TBC1D1: variants seen among roughly 807,000 people sequenced by gnomAD.
TBC1D1 encodes TBC1 (tre-2/USP6, BUB2, cdc16) domain family, member 1.
A neutral mutation model predicts 125.6 loss-of-function variants in TBC1D1; 89 were observed. The observed-to-expected ratio is 0.71, with a 90% CI of 0.60 to 0.85. The LOEUF (loss-of-function observed/expected upper bound fraction) is 0.85. Ranked by LOEUF, TBC1D1 falls within the 40% of genes least tolerant of loss-of-function variation. TBC1D1 has a pLI of 0.00. For missense variants in TBC1D1, 1,377 were observed against 1,469.2 expected (o/e 0.94, Z 1.03); for synonymous variants, 565 against 564.1 (o/e 1.00, Z -0.02).
At chr4:38,129,307 T>C (rs1765187849) in intron 18 of TBC1D1, among the ~76,000 whole-genome samples, 1 of 152,122 alleles carries the variant, frequency 6.6e-6, no homozygotes, top group African/African-American at 2.4e-5. Context: ...GGGGGAGCCG[T>C]CACTTCTTGG....
At chr4:37,996,188 C>T (rs1349640560) in intron 2 of TBC1D1, 2 of 339,350 alleles carry the variant, frequency 5.9e-6, no homozygotes, top group Non-Finnish European at 1.2e-5. Context: ...CTCAGGCACC[C>T]ACCACAAGGC....
At chr4:38,018,553 G>A in intron 4 of TBC1D1, 110 bp downstream of exon 4, 1 of 650,050 alleles carries the variant, frequency 1.5e-6, no homozygotes. Flanking sequence ...TGTTTTCTAA[G>A]TACTGTACTT....
chr4:38,044,312 A>G (rs758055573), intron 8 of TBC1D1, 50 bp from the exon 9 acceptor site: 4 of 1,557,092 alleles, frequency 2.6e-6, no homozygotes, highest in Non-Finnish European at 3.5e-6. Flanking sequence ...CATTCCTTTA[A>G]GAAGCAGAGA....
intron 2 of TBC1D1, among the ~76,000 whole-genome samples, chr4:37,975,529 G>T (rs6829590): frequency 5.9e-5 from 9 of 152,076 alleles, no homozygotes; most frequent in African/African-American, 2.2e-4. Flanking sequence ...TCCCATTCCC[G>T]GTCTGCTAAG....
chr4:38,005,783 AG>A (rs1740032312), intron 2 of TBC1D1, among the ~76,000 whole-genome samples: 1 of 152,214 alleles, frequency 6.6e-6, no homozygotes, highest in Non-Finnish European at 1.5e-5. Flanking sequence ...AGAGCCAGCA[AG>A]GCCATGTGAC....
intron 2 of TBC1D1, among the ~76,000 whole-genome samples, chr4:37,918,370 G>C (rs1720153953): frequency 6.6e-6 from 1 of 151,836 alleles, no homozygotes; most frequent in South Asian, 2.1e-4. Flanking sequence ...TACGATTTTA[G>C]ATTTTTCTTT....
Position 38,044,491 on chromosome 4 carries a change from G to GTAAGTAGCATAATTTCTCCTGATT in TBC1D1, c.1542+7_1542+30dup. On this transcript the variant is annotated splice_donor_variant, in intron 9 of 19. Coordinates refer to ENST00000261439, the MANE Select transcript of TBC1D1 (RefSeq NM_015173.4). LOFTEE classifies it high-confidence loss of function. ...GTCTTTAGAAAGTATTTTGTCCCGG[G>GTAAGTAGCATAATTTCTCCTGATT]TAAGTAGCATAATTTCTCCTGATTT... 1 of 1,604,186 alleles carries GTAAGTAGCATAATTTCTCCTGATT rather than the reference G, an allele frequency of 6.2e-7. No homozygotes were observed. Among genetic ancestry groups the GTAAGTAGCATAATTTCTCCTGATT allele is most frequent in the Non-Finnish European group, 8.5e-7 (1 of 1,177,506 alleles).
At chr4:38,136,797 A>G (rs564011605) in intron 19 of TBC1D1, among the ~76,000 whole-genome samples, 2 of 152,252 alleles carry the variant, frequency 1.3e-5, no homozygotes, top group Admixed American at 6.5e-5. Flanking sequence ...TTGCTGAAGC[A>G]TTCTTTGGCC....
chr4:38,112,396 G>T (rs1232555264), intron 15 of TBC1D1, among the ~76,000 whole-genome samples: 1 of 152,188 alleles, frequency 6.6e-6, no homozygotes, highest in Admixed American at 6.5e-5. Context: ...ACGGTCATAA[G>T]TGTGCCCTTT....
intron 12 of TBC1D1, among the ~76,000 whole-genome samples, chr4:38,065,071 C>T (rs1753457071): frequency 6.6e-6 from 1 of 152,182 alleles, no homozygotes; most frequent in African/African-American, 2.4e-5. Context: ...GCTGGGATTA[C>T]AGGCAACTGC....
chr4:38,091,401 T>C (rs1053529736), intron 13 of TBC1D1, among the ~76,000 whole-genome samples: 1 of 152,166 alleles, frequency 6.6e-6, no homozygotes, highest in East Asian at 1.9e-4. Context: ...TCTGCCACTT[T>C]CTTATGTTTT....
At position 38,078,727 on chromosome 4, in the gene TBC1D1, C is replaced by T. The variant is rs1756028636; in HGVS notation, c.2051-11205C>T. 1.3e-5 allele frequency among the ~76,000 whole-genome samples: 2 copies of T among 152,200 alleles called. 1 individual carries two copies. Among genetic ancestry groups the T allele is most frequent in the African/African-American group, 4.8e-5 (2 of 41,434 alleles). On this transcript the variant is annotated intron_variant, in intron 12 of 19. Transcript: ENST00000261439. ...CTGCCACCCTGATCTTGGACTTCCC[C>T]TCCAGAACTGTGAGAAACAAATGTG...
At chr4:37,907,215 A>G (rs1174642474) in intron 2 of TBC1D1, among the ~76,000 whole-genome samples, 1 of 152,244 alleles carries the variant, frequency 6.6e-6, no homozygotes, top group Non-Finnish European at 1.5e-5. Context: ...ACATAGTAGG[A>G]AAATGGAGCA....
intron 3 of TBC1D1, 116 bp from the exon 4 acceptor site, chr4:38,018,238 A>T (rs906150910): frequency 1.3e-6 from 1 of 781,026 alleles, no homozygotes; most frequent in African/African-American, 1.8e-5. Context: ...CTTTGAAATG[A>T]TTTCTACGAT....
chr4:38,029,442 A>G (rs1745718405), intron 7 of TBC1D1, among the ~76,000 whole-genome samples: 1 of 152,204 alleles, frequency 6.6e-6, no homozygotes, highest in African/African-American at 2.4e-5. Flanking sequence ...ATCTTGGCTC[A>G]CTGCAACCTC....
intron 14 of TBC1D1, 50 bp from the exon 17 acceptor site, chr4:38,102,949 A>G: frequency 1.3e-6 from 2 of 1,509,630 alleles, no homozygotes; most frequent in Non-Finnish European, 1.8e-6. Flanking sequence ...TTTATTATTA[A>G]GTTGTATTCT....
At chr4:38,099,121 C>T (rs1182036991) in intron 14 of TBC1D1, among the ~76,000 whole-genome samples, 4 of 152,144 alleles carry the variant, frequency 2.6e-5, no homozygotes, top group Non-Finnish European at 5.9e-5. Context: ...GCCTTTGACC[C>T]GGCAATGCCA....
At chr4:38,052,643 T>G (rs1750837738) in intron 11 of TBC1D1, among the ~76,000 whole-genome samples, 1 of 151,946 alleles carries the variant, frequency 6.6e-6, no homozygotes, top group South Asian at 2.1e-4. Context: ...CTGCAAATTG[T>G]TTTTTTATAC....
chr4:38,056,918 T>G (rs993360589), intron 12 of TBC1D1, among the ~76,000 whole-genome samples: 1 of 152,230 alleles, frequency 6.6e-6, no homozygotes, highest in Admixed American at 6.5e-5. Context: ...GTTTTGAGTC[T>G]TGAGTCTGGT....
Sources: allele counts gnomAD v4.1 joint callset (sites outside exome capture counted in the v4.1 genomes callset), GRCh38; gene constraint gnomAD v4.1.1; transcripts MANE v1.5; gene names NCBI Gene and HGNC (gene_info 2026-07-23, HGNC 2026-07-21).